The following BTBD9 variants were observed in gnomAD, a reference collection of about 807,000 sequenced individuals.
BTBD9 encodes the protein BTB/POZ domain-containing protein 9.
A neutral mutation model predicts 64.3 loss-of-function variants in BTBD9; 49 were observed. That is an observed-to-expected ratio of 0.76 (90% CI 0.61 to 0.97). The LOEUF (loss-of-function observed/expected upper bound fraction) is 0.97, where lower values mean the gene tolerates loss of function less well. Among genes scored for constraint, BTBD9 ranks in the 50% least tolerant of loss-of-function variants. The probability of loss-of-function intolerance (pLI) is 0.00; values close to 1 mark genes in which losing one functional copy is unlikely to be tolerated. For synonymous variants in BTBD9, 260 were observed against 274.7 expected (o/e 0.95, Z 0.53); for missense variants, 598 against 762.1 (o/e 0.78, Z 2.53).
At chr6:38,369,581 G>A (rs535863685) in intron 6 of BTBD9, among the ~76,000 whole-genome samples, 22 of 152,270 alleles carry the variant, frequency 1.4e-4, no homozygotes, top group African/African-American at 4.1e-4. Context: ...GATTGCTCTC[G>A]TGAACAAAAC....
At chr6:38,450,735 T>G (rs1289607780) in intron 6 of BTBD9, among the ~76,000 whole-genome samples, 1 of 152,162 alleles carries the variant, frequency 6.6e-6, no homozygotes, top group African/African-American at 2.4e-5. Context: ...AATGTAAATT[T>G]AGCAAATAAT....
chr6:38,266,674 GA>G (rs1765016505), intron 8 of BTBD9, among the ~76,000 whole-genome samples: 1 of 123,104 alleles, frequency 8.1e-6, no homozygotes, highest in East Asian at 2.3e-4. Flanking sequence ...AAGAAAGAAA[GA>G]AAGAAGAAAA....
intron 6 of BTBD9, among the ~76,000 whole-genome samples, chr6:38,388,130 C>A (rs1766258342): frequency 6.6e-6 from 1 of 151,440 alleles, no homozygotes; most frequent in Non-Finnish European, 1.5e-5. Context: ...GATGCTCTTG[C>A]TCAAGAGACA....
rs142018600 is a variant in BTBD9 at position 38,330,273 on chromosome 6, G to A, written c.1264+14711C>T. 2.1e-3 allele frequency among the ~76,000 whole-genome samples: 326 copies of A among 152,148 alleles called. 4 individuals are homozygous for A. The highest frequency in any genetic ancestry group is 7.4e-3 in the African/African-American group (307 of 41,500). The stretch of plus-strand genomic sequence containing the variant: ...TTGCCATGTTGGCCAGGATGGTCTC[G>A]AACTCCTGACCTCAGGTGATCCACC... On this transcript the variant is annotated intron_variant, in intron 7 of 10. Coordinates refer to ENST00000481247, the MANE Select transcript of BTBD9 (RefSeq NM_001099272.2).
Position 38,399,844 on chromosome 6 carries a change from C to T in BTBD9, c.1155-54751G>A, listed in dbSNP as rs891258105. On this transcript the variant is annotated intron_variant, in intron 6 of 10. Coordinates refer to ENST00000481247, the MANE Select transcript of BTBD9 (RefSeq NM_001099272.2). ...TCAGCTCACCACAACCTCCGCCTCCCGGGTTCAAGCGATTCTCCAGCCTCA... is the reference window on the plus strand; with the variant it reads ...TCAGCTCACCACAACCTCCGCCTCCTGGGTTCAAGCGATTCTCCAGCCTCA... Among the ~76,000 whole-genome samples the T allele has an allele frequency of 9.2e-5, 14 of 152,146 alleles. No individual in the cohort carries two copies. In the East Asian group the frequency reaches 1.2e-3, roughly 13 times the overall value.
intron 6 of BTBD9, among the ~76,000 whole-genome samples, chr6:38,486,987 G>C (rs1771462483): frequency 6.6e-6 from 1 of 152,222 alleles, no homozygotes; most frequent in South Asian, 2.1e-4. Flanking sequence ...TCTAAAATCT[G>C]TGCTTAACAC....
At chr6:38,276,785 A>G (rs1450508184) in intron 8 of BTBD9, among the ~76,000 whole-genome samples, 2 of 152,196 alleles carry the variant, frequency 1.3e-5, no homozygotes, top group Non-Finnish European at 2.9e-5. Flanking sequence ...AAAATCTATC[A>G]CTTCATTCCA....
At chr6:38,274,592 A>G (rs1271633932) in intron 8 of BTBD9, among the ~76,000 whole-genome samples, 2 of 152,180 alleles carry the variant, frequency 1.3e-5, no homozygotes. Flanking sequence ...AGCATGAAGG[A>G]TTGTTGAATT....
chr6:38,491,689 T>A (rs906250960), intron 6 of BTBD9, among the ~76,000 whole-genome samples: 1 of 151,976 alleles, frequency 6.6e-6, no homozygotes, highest in Non-Finnish European at 1.5e-5. Flanking sequence ...ATAAATACAT[T>A]CTTTAAAAAA....
At chr6:38,324,326 A>G (rs149553681) in intron 7 of BTBD9, among the ~76,000 whole-genome samples, 221 of 152,354 alleles carry the variant, frequency 1.5e-3, no homozygotes, top group Middle Eastern at 0.014. Context: ...CGCATTAGCC[A>G]ACCAAAGCCA....
At chr6:38,489,555 C>A (rs1172027368) in intron 6 of BTBD9, among the ~76,000 whole-genome samples, 1 of 152,150 alleles carries the variant, frequency 6.6e-6, no homozygotes, top group Non-Finnish European at 1.5e-5. Flanking sequence ...TTCCTAAAAC[C>A]TTTTAACATT....
intron 10 of BTBD9, 80 bp downstream of exon 10, chr6:38,192,439 A>C: frequency 7.4e-7 from 1 of 1,343,380 alleles, no homozygotes; most frequent in Non-Finnish European, 1.1e-6. Context: ...CAGAACAAAC[A>C]ATTCCACTTA....
At chr6:38,293,072 A>G (rs1380441804) in intron 7 of BTBD9, among the ~76,000 whole-genome samples, 1 of 152,100 alleles carries the variant, frequency 6.6e-6, no homozygotes, top group African/African-American at 2.4e-5. Context: ...TAATTATATT[A>G]TTTACCCAGT....
At chr6:38,458,231 T>C (rs1038423391) in intron 6 of BTBD9, among the ~76,000 whole-genome samples, 1 of 152,242 alleles carries the variant, frequency 6.6e-6, no homozygotes, top group Admixed American at 6.5e-5. Flanking sequence ...GGGTTCTCTT[T>C]TCTACTAATT....
chr6:38,596,217 C>A, intron 2 of BTBD9: 1 of 272,732 alleles, frequency 3.7e-6, no homozygotes, highest in Non-Finnish European at 5.6e-6. Flanking sequence ...TAGAGCTTAG[C>A]TCTAAGATAG....
At chr6:38,255,864 A>G (rs570637444) in intron 9 of BTBD9, among the ~76,000 whole-genome samples, 2 of 152,148 alleles carry the variant, frequency 1.3e-5, no homozygotes, top group Non-Finnish European at 2.9e-5. Flanking sequence ...GGAATTGAAC[A>G]ATGAGAACAC....
At chr6:38,341,037 A>C (rs146540890) in intron 7 of BTBD9, among the ~76,000 whole-genome samples, 203 of 152,356 alleles carry the variant, frequency 1.3e-3, no homozygotes, top group African/African-American at 4.8e-3. Context: ...CTATACGAGA[A>C]AAGCCTAGTT....
rs138473601 is a variant in BTBD9 at position 38,626,166 on chromosome 6, A to G, written c.-28+13634T>C. On this transcript the variant is annotated intron_variant, in intron 1 of 10. Coordinates refer to ENST00000481247, the MANE Select transcript of BTBD9 (RefSeq NM_001099272.2). ...ACACATACTTAAAAAAAATTTTATT[A>G]TTTAATTTTTGTGGGTACATAGTAG... 1.6e-3 allele frequency among the ~76,000 whole-genome samples: 248 copies of G among 152,326 alleles called. 4 individuals carry two copies. The highest frequency in any genetic ancestry group is 3.4e-3 in the Middle Eastern group (1 of 294).
intron 7 of BTBD9, among the ~76,000 whole-genome samples, chr6:38,327,154 T>C (rs1383346180): frequency 6.6e-6 from 1 of 152,162 alleles, no homozygotes; most frequent in Non-Finnish European, 1.5e-5. Flanking sequence ...ATTTCCCTCT[T>C]GTAGCACTGT....
Sources: allele counts gnomAD v4.1 joint callset (sites outside exome capture counted in the v4.1 genomes callset), GRCh38; gene constraint gnomAD v4.1.1; transcripts MANE v1.5; gene names NCBI Gene and HGNC (gene_info 2026-07-23, HGNC 2026-07-21).